Variants in RERG observed in about 807,000 individuals in gnomAD.
The protein encoded by RERG is RAS like estrogen regulated growth inhibitor.
RERG carries 25 observed loss-of-function variants against 23.2 expected under a neutral mutation model. That is an observed-to-expected ratio of 1.08 (90% CI 0.79 to 1.50). RERG has a LOEUF of 1.50. Ranked by LOEUF, RERG falls within the 40% of genes most tolerant of loss-of-function variation. The probability of loss-of-function intolerance (pLI) is 0.00; values close to 1 mark genes in which losing one functional copy is unlikely to be tolerated. For missense variants in RERG, 253 were observed against 250.1 expected (o/e 1.01, Z -0.08); for synonymous variants, 81 against 89.1 (o/e 0.91, Z 0.51).
chr12:15,165,805 A>G (rs1864678067), intron 2 of RERG, among the ~76,000 whole-genome samples: 1 of 152,158 alleles, frequency 6.6e-6, no homozygotes, highest in Admixed American at 6.5e-5. Flanking sequence ...GAGATCAACT[A>G]ACGGCCTCAC....
rs1336913974 is a variant in RERG at position 15,108,004 on chromosome 12, A to G, written c.*1106T>C. On this transcript the variant is annotated 3_prime_UTR_variant, in exon 5 of 5. Coordinates refer to ENST00000256953, the MANE Select transcript of RERG (RefSeq NM_032918.3). ...TATATAGGGGCATAATGGGGGAGAA[A>G]AGAATCATAAGGTTTTATCAGTTGT... 1 of 152,610 alleles carries G rather than the reference A, an allele frequency of 6.6e-6. No individual in the cohort carries two copies. The highest frequency in any genetic ancestry group is 2.4e-5 in the African/African-American group (1 of 41,454). 9.5% of individuals were successfully genotyped at this position (152,610 alleles called of 1,614,324 possible). A position where few individuals can be genotyped will look rare whatever the true frequency, so the allele number is the denominator to read the frequency against.
chr12:15,174,686 A>G (rs1329473683), intron 2 of RERG, among the ~76,000 whole-genome samples: 1 of 151,634 alleles, frequency 6.6e-6, no homozygotes, highest in East Asian at 2.0e-4. Flanking sequence ...GATAATATCA[A>G]TTGATCTACA....
chr12:15,164,782 C>A (rs1864663424), intron 2 of RERG, among the ~76,000 whole-genome samples: 1 of 152,186 alleles, frequency 6.6e-6, no homozygotes. Flanking sequence ...AAGGTGTTAA[C>A]TAGCACAAAA....
rs1863823949 is a variant in RERG at position 15,121,122 on chromosome 12, G to T, written c.62-3C>A. 1 of 1,611,994 alleles carries T rather than the reference G, an allele frequency of 6.2e-7. No homozygotes were observed. On this transcript the variant is annotated splice_polypyrimidine_tract_variant and splice_region_variant and intron_variant, in intron 2 of 4. Coordinates refer to ENST00000256953, the MANE Select transcript of RERG (RefSeq NM_032918.3). Reference sequence around the variant, plus strand: ...GGTCAGAAATCTCACTACAAGAGCTGTGGAAGAAAAGAGCAACATTTCAAA... The same window carrying T: ...GGTCAGAAATCTCACTACAAGAGCTTTGGAAGAAAAGAGCAACATTTCAAA...
chr12:15,219,415 A>G (rs1411984177), intron 1 of RERG, among the ~76,000 whole-genome samples: 2 of 152,246 alleles, frequency 1.3e-5, no homozygotes, highest in African/African-American at 2.4e-5. Context: ...AGGAAAAATC[A>G]ACATTAACAT....
intron 2 of RERG, among the ~76,000 whole-genome samples, chr12:15,124,643 C>G (rs1441293197): frequency 6.6e-6 from 1 of 151,932 alleles, no homozygotes; most frequent in Non-Finnish European, 1.5e-5. Context: ...CTATAGGTCC[C>G]CAGGCATACA....
chr12:15,195,804 GC>G (rs1301178330), intron 2 of RERG, among the ~76,000 whole-genome samples: 6 of 151,988 alleles, frequency 3.9e-5, no homozygotes, highest in Non-Finnish European at 8.8e-5. Context: ...TTCCTGGAAG[GC>G]TCACAGCTTT....
chr12:15,161,139 AAAG>A (rs1565524055), intron 2 of RERG, among the ~76,000 whole-genome samples: 17 of 32,972 alleles, frequency 5.2e-4, no homozygotes, highest in African/African-American at 2.1e-3. Context: ...CATCTCAGAA[AAAG>A]AAAGAAAGAA....
rs78131505 is a variant in RERG, at chr12:15,168,536, A to G, written c.62-47417T>C. Reference sequence around the variant, plus strand: ...ACTTTGGAAATTCATAAGTCTTAAAAGAGTCAAGATCTCCTTCTTCCTGGT... The same window carrying G: ...ACTTTGGAAATTCATAAGTCTTAAAGGAGTCAAGATCTCCTTCTTCCTGGT... On this transcript the variant is annotated intron_variant, in intron 2 of 4. Transcript: ENST00000256953. Among the ~76,000 whole-genome samples, 121 of 152,338 alleles carry G rather than the reference A, an allele frequency of 7.9e-4. 3 individuals carry two copies. In the East Asian group the frequency reaches 0.022, roughly 28 times the overall value.
intron 2 of RERG, among the ~76,000 whole-genome samples, chr12:15,163,041 T>C (rs1278912461): frequency 6.6e-6 from 1 of 152,218 alleles, no homozygotes; most frequent in Non-Finnish European, 1.5e-5. Flanking sequence ...TATTTGCCCT[T>C]GAGCCCCCGG....
At chr12:15,194,577 C>T in intron 2 of RERG, among the ~76,000 whole-genome samples, 1 of 151,432 alleles carries the variant, frequency 6.6e-6, no homozygotes, top group East Asian at 1.9e-4. Flanking sequence ...GCCATTCCAT[C>T]ATCTCAGATT....
chr12:15,208,486 A>C (rs1865322735), intron 2 of RERG, among the ~76,000 whole-genome samples: 1 of 152,214 alleles, frequency 6.6e-6, no homozygotes, highest in South Asian at 2.1e-4. Flanking sequence ...ACATAGTCTA[A>C]TTCAAATTTT....
intron 2 of RERG, among the ~76,000 whole-genome samples, chr12:15,129,624 A>C (rs1234643586): frequency 1.3e-5 from 2 of 152,110 alleles, no homozygotes; most frequent in African/African-American, 4.8e-5. Flanking sequence ...ATTGAAGCTC[A>C]CTATTTTAGG....
intron 2 of RERG, among the ~76,000 whole-genome samples, chr12:15,164,572 C>T (rs934722653): frequency 3.3e-5 from 5 of 152,178 alleles, no homozygotes; most frequent in African/African-American, 1.2e-4. Flanking sequence ...TCTGTGTTTC[C>T]ACCCACCCAT....
chr12:15,185,703 G>T (rs1243944043), intron 2 of RERG, among the ~76,000 whole-genome samples: 1 of 152,080 alleles, frequency 6.6e-6, no homozygotes, highest in Non-Finnish European at 1.5e-5. Flanking sequence ...TAAGAGGAGG[G>T]TGAGGGTGAG....
intron 1 of RERG, among the ~76,000 whole-genome samples, chr12:15,219,190 G>C (rs542066153): frequency 5.3e-5 from 8 of 152,302 alleles, no homozygotes; most frequent in African/African-American, 1.9e-4. Context: ...TTATCTAAAT[G>C]TGTTAAATGT....
chr12:15,178,846 A>C (rs1864887190), intron 2 of RERG, among the ~76,000 whole-genome samples: 1 of 152,188 alleles, frequency 6.6e-6, no homozygotes, highest in Non-Finnish European at 1.5e-5. Flanking sequence ...TGTCAATATA[A>C]AATTATTTTA....
chr12:15,155,513 G>A (rs957206736), intron 2 of RERG, among the ~76,000 whole-genome samples: 7 of 152,164 alleles, frequency 4.6e-5, no homozygotes, highest in Non-Finnish European at 1.0e-4. Context: ...TCACAATGAA[G>A]TTGCTGCCAG....
intron 2 of RERG, among the ~76,000 whole-genome samples, chr12:15,173,789 T>C (rs1453162849): frequency 6.6e-6 from 1 of 151,952 alleles, no homozygotes; most frequent in African/African-American, 2.4e-5. Context: ...TGTTAGTATA[T>C]AGAAATATAA....
Sources: gnomAD v4.1 joint callset for allele counts (sites outside exome capture counted in the v4.1 genomes callset) on GRCh38, gnomAD v4.1.1 for gene constraint, MANE v1.5 for transcripts, NCBI Gene and HGNC (gene_info 2026-07-23, HGNC 2026-07-21) for gene names.